The following RGS7 variants were observed in gnomAD, a reference collection of about 807,000 sequenced individuals.
RGS7 encodes regulator of G-protein signaling 7.
Under a neutral mutation model 81.1 loss-of-function variants are expected in RGS7, and 27 were observed. The observed-to-expected ratio is 0.33, with a 90% confidence interval of 0.25 to 0.46. RGS7 has a LOEUF of 0.46. Ranked by LOEUF, RGS7 falls within the 20% of genes least tolerant of loss-of-function variation. RGS7 has a pLI of 1.00. For missense variants in RGS7, 396 were observed against 607.4 expected, an observed-to-expected ratio of 0.65 and a Z score of 3.66; for synonymous variants, 208 against 207.7, an observed-to-expected ratio of 1.00 and a Z score of -0.01.
chr1:241,351,086 T>C (rs917454593), intron 2 of RGS7, among the ~76,000 whole-genome samples: 1 of 152,152 alleles, frequency 6.6e-6, no homozygotes, highest in African/African-American at 2.4e-5. Flanking sequence ...TGTGACTTCA[T>C]ATAAGAAAAG....
At chr1:240,911,390 ATTC>A (rs1467748115) in intron 6 of RGS7, among the ~76,000 whole-genome samples, 2 of 151,718 alleles carry the variant, frequency 1.3e-5, no homozygotes, top group African/African-American at 2.4e-5. Flanking sequence ...TTCTCTCTTG[ATTC>A]TTCTTCTGGT....
chr1:240,776,233 A>T lies in RGS7; in HGVS notation c.*7-20T>A. 1 of 1,581,354 alleles carries T rather than the reference A, an allele frequency of 6.3e-7. No individual in the cohort carries two copies. The highest frequency in any genetic ancestry group is 8.7e-7 in the Non-Finnish European group (1 of 1,150,372). On this transcript the variant is annotated intron_variant, in intron 18 of 18. Transcript: ENST00000440928. ...TTTCCCCTGAGAAAATATATAAAACAAGAGAAAAGAAAGAAAATCAAGTAC... is the reference window on the plus strand; with the variant it reads ...TTTCCCCTGAGAAAATATATAAAACTAGAGAAAAGAAAGAAAATCAAGTAC...
chr1:240,805,797 A>G (rs1242093405), intron 15 of RGS7, among the ~76,000 whole-genome samples: 1 of 152,220 alleles, frequency 6.6e-6, no homozygotes, highest in Non-Finnish European at 1.5e-5. Context: ...TTTTAAAAAA[A>G]TGTTTTAAAA....
At chr1:241,016,632 A>C (rs546933993) in intron 3 of RGS7, among the ~76,000 whole-genome samples, 1 of 152,300 alleles carries the variant, frequency 6.6e-6, no homozygotes, top group Admixed American at 6.5e-5. Context: ...GTGACCGTGT[A>C]ATCTATATCA....
At chr1:241,030,377 T>TATATATATATATATAC (rs71793632) in intron 3 of RGS7, among the ~76,000 whole-genome samples, 2 of 137,378 alleles carry the variant, frequency 1.5e-5, no homozygotes, top group South Asian at 2.3e-4. Context: ...TATATATACA[T>TATATATATATATATAC]ACACACATAC....
intron 2 of RGS7, among the ~76,000 whole-genome samples, chr1:241,120,586 T>G (rs900782522): frequency 6.6e-6 from 1 of 152,080 alleles, no homozygotes; most frequent in Non-Finnish European, 1.5e-5. Flanking sequence ...ACTCAGGTGG[T>G]CCACCTGTCT....
intron 2 of RGS7, among the ~76,000 whole-genome samples, chr1:241,328,905 A>ATT (rs535410740): frequency 1.7e-4 from 26 of 150,810 alleles, no homozygotes; most frequent in Non-Finnish European, 5.9e-5. Flanking sequence ...GGATAGCATG[A>ATT]TTTTTTTTTT....
intron 2 of RGS7, among the ~76,000 whole-genome samples, chr1:241,242,339 T>C (rs1444599852): frequency 6.6e-6 from 1 of 152,024 alleles, no homozygotes; most frequent in Non-Finnish European, 1.5e-5. Context: ...GATAGATAGA[T>C]AGATAGATAG....
At chr1:241,296,564 T>C (rs189129472) in intron 2 of RGS7, among the ~76,000 whole-genome samples, 4 of 152,366 alleles carry the variant, frequency 2.6e-5, no homozygotes, top group Admixed American at 1.3e-4. Flanking sequence ...ATATCCTAAG[T>C]GTCAAGTCAT....
In RGS7 at chr1:240,966,819, T is replaced by C. The variant is rs77704231; in HGVS notation, c.226+16260A>G. On this transcript the variant is annotated intron_variant, in intron 4 of 18. Coordinates refer to ENST00000440928, the MANE Select transcript of RGS7 (RefSeq NM_001364886.1). ...TTTAAGGTAAACCTCCAGTTACAGCTTAAACTATGAACGTGGAAATGTCTC... is the reference window on the plus strand; with the variant it reads ...TTTAAGGTAAACCTCCAGTTACAGCCTAAACTATGAACGTGGAAATGTCTC... Among the ~76,000 whole-genome samples, 588 of 152,292 alleles carry C rather than the reference T, an allele frequency of 3.9e-3. 5 individuals are homozygous for C. The highest frequency in any genetic ancestry group is 3.9e-3 in the Non-Finnish European group (264 of 68,026).
chr1:240,919,564 G>A lies in RGS7; in HGVS notation c.385+11153C>T, dbSNP rs182316756. On this transcript the variant is annotated intron_variant, in intron 6 of 18. Transcript: ENST00000440928. ...CCCTTAGCAAACTAGAAATATAGAGGAATGCTCCCAACTTGATAAAAAAAA... is the reference window on the plus strand; with the variant it reads ...CCCTTAGCAAACTAGAAATATAGAGAAATGCTCCCAACTTGATAAAAAAAA... 2.2e-4 allele frequency: 46 copies of A among 212,612 alleles called. No individual in the cohort carries two copies. The East Asian group carries it at 4.9e-3, about 22-fold the overall frequency. The allele number at this position is 212,612 out of a possible 1,614,324, so 13.2% of individuals were successfully genotyped here. A position where few individuals can be genotyped will look rare whatever the true frequency, so the allele number is the denominator to read the frequency against.
intron 14 of RGS7, among the ~76,000 whole-genome samples, chr1:240,809,584 C>A (rs970858824): frequency 5.3e-5 from 8 of 152,286 alleles, no homozygotes; most frequent in African/African-American, 1.9e-4. Context: ...CTTAGCCACA[C>A]TTTCTCGGCT....
Position 241,327,024 on chromosome 1 carries a change from A to AGGGAGGGAGTG in RGS7, c.78+28674_78+28675insCACTCCCTCCC, listed in dbSNP as rs1553320517. 4.2e-3 allele frequency among the ~76,000 whole-genome samples: 2 copies of AGGGAGGGAGTG among 472 alleles called. 1 individual carries two copies. Among genetic ancestry groups the AGGGAGGGAGTG allele is most frequent in the South Asian group, 0.17 (2 of 12 alleles). 0.3% of individuals were successfully genotyped at this position (472 alleles called of 152,430 possible). A position where few individuals can be genotyped will look rare whatever the true frequency, so the allele number is the denominator to read the frequency against. ...GAAGGAAGGAAGGAAGGAAGGAAGG[A>AGGGAGGGAGTG]AGGAAGGAAGGAAGGGAGGGAGGGG... On this transcript the variant is annotated intron_variant, in intron 2 of 18. Coordinates refer to ENST00000440928, the MANE Select transcript of RGS7 (RefSeq NM_001364886.1).
chr1:240,801,555 T>TA (rs761008058), intron 16 of RGS7, 47 bp from the exon 17 acceptor site: 31 of 1,307,740 alleles, frequency 2.4e-5, no homozygotes, highest in Admixed American at 5.1e-5. Context: ...AAGGGAAGAT[T>TA]AAAAAAAAGA....
At chr1:241,135,109 G>A (rs112907336) in intron 2 of RGS7, among the ~76,000 whole-genome samples, 4,337 of 152,206 alleles carry the variant, frequency 0.028, 87 homozygotes, top group Middle Eastern at 0.11. Flanking sequence ...GCATCAGACC[G>A]CCTGTGCCCA....
intron 9 of RGS7, among the ~76,000 whole-genome samples, chr1:240,856,369 C>G (rs1661126438): frequency 6.6e-6 from 1 of 152,158 alleles, no homozygotes; most frequent in South Asian, 2.1e-4. Context: ...CTGAGTATCT[C>G]AGTCACTGGG....
chr1:241,089,587 C>G (rs1489747719), intron 3 of RGS7, among the ~76,000 whole-genome samples: 1 of 152,058 alleles, frequency 6.6e-6, no homozygotes. Context: ...AAATCTAAGA[C>G]CCTCCAACTA....
At chr1:241,304,889 T>C (rs2079992738) in intron 2 of RGS7, among the ~76,000 whole-genome samples, 1 of 152,252 alleles carries the variant, frequency 6.6e-6, no homozygotes. Context: ...ATTGCCTATA[T>C]TTAGGTTGTT....
At chr1:240,781,612 C>T (rs1375953672) in intron 18 of RGS7, among the ~76,000 whole-genome samples, 1 of 152,064 alleles carries the variant, frequency 6.6e-6, no homozygotes, top group African/African-American at 2.4e-5. Context: ...TCTCAACAAA[C>T]AAACAAACAA....
Sources: gnomAD v4.1 joint callset for allele counts (sites outside exome capture counted in the v4.1 genomes callset) on GRCh38, gnomAD v4.1.1 for gene constraint, MANE v1.5 for transcripts, NCBI Gene and HGNC (gene_info 2026-07-23, HGNC 2026-07-21) for gene names.